TMEM38B: variants seen among roughly 807,000 people sequenced by gnomAD.
The protein encoded by TMEM38B is transmembrane protein 38B, also known as trimeric intracellular cation channel type B.
A neutral mutation model predicts 28.7 loss-of-function variants in TMEM38B; 24 were observed. The observed-to-expected ratio is 0.84, with a 90% CI of 0.61 to 1.18. The LOEUF is 1.18. Among genes scored for constraint, TMEM38B ranks in the 50% most tolerant of loss-of-function variants. The pLI is 0.00. For synonymous variants in TMEM38B, 131 were observed against 127.7 expected (o/e 1.03, Z -0.17); for missense variants, 380 against 350.9 (o/e 1.08, Z -0.66).
At chr9:105,733,420 TC>T (rs1415369750) in intron 4 of TMEM38B, among the ~76,000 whole-genome samples, 2 of 141,272 alleles carry the variant, frequency 1.4e-5, no homozygotes, top group East Asian at 2.2e-4. Context: ...TTTTCTTTTT[TC>T]TTTTTTTTTT....
At chr9:105,751,797 C>G (rs778353170) in intron 5 of TMEM38B, among the ~76,000 whole-genome samples, 6 of 152,208 alleles carry the variant, frequency 3.9e-5, no homozygotes, top group Non-Finnish European at 8.8e-5. Context: ...GGAAGGGTCC[C>G]CCACAATGCA....
intron 5 of TMEM38B, among the ~76,000 whole-genome samples, chr9:105,752,018 G>A (rs1323335663): frequency 6.6e-6 from 1 of 151,838 alleles, no homozygotes; most frequent in Non-Finnish European, 1.5e-5. Flanking sequence ...GAATACAAAT[G>A]TTACAGATGA....
intron 4 of TMEM38B, among the ~76,000 whole-genome samples, chr9:105,725,761 A>G (rs1332422416): frequency 6.6e-6 from 1 of 152,164 alleles, no homozygotes; most frequent in Non-Finnish European, 1.5e-5. Context: ...ACACTTGTAT[A>G]GGGTACTTAG....
chr9:105,751,726 A>G (rs1316120714), intron 5 of TMEM38B, among the ~76,000 whole-genome samples: 1 of 152,162 alleles, frequency 6.6e-6, no homozygotes, highest in East Asian at 1.9e-4. Context: ...GCATCTATGC[A>G]GTTTGGTAGA....
At chr9:105,708,287 G>A (rs1187720627) in intron 2 of TMEM38B, among the ~76,000 whole-genome samples, 1 of 152,154 alleles carries the variant, frequency 6.6e-6, no homozygotes, top group Non-Finnish European at 1.5e-5. Context: ...ACAACTATTT[G>A]TATAGTATTT....
chr9:105,729,755 G>A (rs1444721163), intron 4 of TMEM38B, among the ~76,000 whole-genome samples: 1 of 151,912 alleles, frequency 6.6e-6, no homozygotes, highest in South Asian at 2.1e-4. Context: ...CTTTTATTTT[G>A]TTGAGCAGTG....
chr9:105,765,079 A>G (rs1351516255), intron 5 of TMEM38B, among the ~76,000 whole-genome samples: 8 of 152,176 alleles, frequency 5.3e-5, no homozygotes, highest in Admixed American at 1.3e-4. Flanking sequence ...ACAAAAATCA[A>G]TTCAAGATGG....
At chr9:105,744,696 A>G (rs1837327104) in intron 4 of TMEM38B, among the ~76,000 whole-genome samples, 1 of 151,934 alleles carries the variant, frequency 6.6e-6, no homozygotes, top group Admixed American at 6.6e-5. Flanking sequence ...TTAACTCGTC[A>G]TTTAACATTA....
chr9:105,762,827 G>C (rs1418397203), intron 5 of TMEM38B, among the ~76,000 whole-genome samples: 40 of 149,492 alleles, frequency 2.7e-4, no homozygotes, highest in African/African-American at 9.2e-4. Context: ...CCTGAGGAAT[G>C]GCCACACTGA....
chr9:105,728,377 A>T (rs1487319510), intron 4 of TMEM38B, among the ~76,000 whole-genome samples: 1 of 152,120 alleles, frequency 6.6e-6, no homozygotes, highest in Non-Finnish European at 1.5e-5. Flanking sequence ...TTTGCTGAGA[A>T]TGATGATTTA....
intron 5 of TMEM38B, chr9:105,759,875 G>C: frequency 6.3e-7 from 1 of 1,591,126 alleles, no homozygotes; most frequent in Non-Finnish European, 8.5e-7. Context: ...AGTAGTACAA[G>C]AAGGAATAGT....
intron 1 of TMEM38B, among the ~76,000 whole-genome samples, chr9:105,704,363 C>G (rs1835572583): frequency 6.6e-6 from 1 of 152,110 alleles, no homozygotes; most frequent in African/African-American, 2.4e-5. Flanking sequence ...CTCCACTGCA[C>G]TCCAGCCTTG....
At chr9:105,770,527 C>A (rs953046135) in intron 5 of TMEM38B, among the ~76,000 whole-genome samples, 7 of 152,002 alleles carry the variant, frequency 4.6e-5, no homozygotes, top group African/African-American at 1.4e-4. Context: ...ATGAACAGTT[C>A]ATTCACCTAG....
chr9:105,712,467 T>C (rs1371561050), intron 2 of TMEM38B, among the ~76,000 whole-genome samples: 1 of 152,230 alleles, frequency 6.6e-6, no homozygotes. Flanking sequence ...TTTTCCATAG[T>C]CCAGAGTTTG....
chr9:105,703,333 A>C (rs1474827729), intron 1 of TMEM38B, among the ~76,000 whole-genome samples: 2 of 152,166 alleles, frequency 1.3e-5, no homozygotes, highest in Non-Finnish European at 2.9e-5. Context: ...AAAAATACAA[A>C]AATTATTTCC....
At position 105,776,279 on chromosome 9, in the gene TMEM38B, G is replaced by A. The variant is rs1189991931; in HGVS notation, c.*2199G>A. 2 of 152,064 alleles carry A rather than the reference G, an allele frequency of 1.3e-5. No individual in the cohort carries two copies. Among genetic ancestry groups the A allele is most frequent in the Non-Finnish European group, 2.9e-5 (2 of 67,992 alleles). 9.4% of individuals were successfully genotyped at this position (152,064 alleles called of 1,614,324 possible). On this transcript the variant is annotated 3_prime_UTR_variant, in exon 6 of 6. Coordinates refer to ENST00000374692, the MANE Select transcript of TMEM38B (RefSeq NM_018112.3). ...ACTCTCAAGTAAAACATGGCCAAATGAATATCAAACTGGTTTATCAGATTA... is the reference window on the plus strand; with the variant it reads ...ACTCTCAAGTAAAACATGGCCAAATAAATATCAAACTGGTTTATCAGATTA...
chr9:105,709,212 G>A (rs1263811717), intron 2 of TMEM38B, among the ~76,000 whole-genome samples: 1 of 151,948 alleles, frequency 6.6e-6, no homozygotes, highest in Non-Finnish European at 1.5e-5. Flanking sequence ...ACTTATTTTG[G>A]GGGTTATTTC....
chr9:105,745,049 T>C (rs565783378), intron 4 of TMEM38B, among the ~76,000 whole-genome samples: 12 of 152,292 alleles, frequency 7.9e-5, no homozygotes, highest in Middle Eastern at 3.4e-3. Flanking sequence ...AATAAACATA[T>C]GTGTGCATGT....
chr9:105,753,427 T>TTG (rs1191057958), intron 5 of TMEM38B, among the ~76,000 whole-genome samples: 1 of 151,712 alleles, frequency 6.6e-6, no homozygotes, highest in Non-Finnish European at 1.5e-5. Context: ...AAAAACCAGG[T>TTG]CACCATCAAA....
Sources: gnomAD v4.1 joint callset for allele counts (sites outside exome capture counted in the v4.1 genomes callset) on GRCh38, gnomAD v4.1.1 for gene constraint, MANE v1.5 for transcripts, NCBI Gene and HGNC (gene_info 2026-07-23, HGNC 2026-07-21) for gene names.